The following SBF1 variants were observed in gnomAD, a reference collection of about 807,000 sequenced individuals.
SBF1 encodes the protein myotubularin-related protein 5.
SBF1 carries 65 observed loss-of-function variants against 215.8 expected under a neutral mutation model. The ratio of observed to expected loss-of-function variants is 0.30; its 90% CI spans 0.25 to 0.37. SBF1 has a LOEUF of 0.37. Ranked by LOEUF, SBF1 falls within the 10% of genes least tolerant of loss-of-function variation. SBF1 has a pLI of 1.00. For synonymous variants in SBF1, 1,410 were observed against 1,122.8 expected, an observed-to-expected ratio of 1.26 and a Z score of -5.11; for missense variants, 2,634 against 2,667.8, an observed-to-expected ratio of 0.99 and a Z score of 0.28.
Position 50,457,090 on chromosome 22 carries a change from A to G in SBF1, c.3848T>C (p.Val1283Ala). The G allele has an allele frequency of 6.7e-7, 1 of 1,488,412 alleles. No homozygotes were observed. The highest frequency in any genetic ancestry group is 8.9e-7 in the Non-Finnish European group (1 of 1,127,582). The allele number at this position is 1,488,412 out of a possible 1,614,324, so 92.2% of individuals were successfully genotyped here. A position where few individuals can be genotyped will look rare whatever the true frequency, so the allele number is the denominator to read the frequency against. Residue 1283 changes from valine to alanine, a missense_variant, in exon 29 of 41, where the codon GTC (valine) becomes GCC (alanine). Coordinates refer to ENST00000380817, the MANE Select transcript of SBF1 (RefSeq NM_002972.4). The stretch of plus-strand genomic sequence containing the variant: ...CGCCATGGGGTTGGACAGCGTGGTG[A>G]CCCTGGCTCTGGGGCTGGGAACTGA... ...GSHVPSPRAR[V>A]TTLSNPMAAS...
Position 50,456,598 on chromosome 22 carries a change from C to G in SBF1, c.3980G>C (p.Arg1327Thr). The G allele has an allele frequency of 6.5e-7, 1 of 1,535,648 alleles. No individual in the cohort carries two copies. The highest frequency in any genetic ancestry group is 8.7e-7 in the Non-Finnish European group (1 of 1,144,026). The change falls in exon 30 of 41, where the codon AGA (arginine) becomes ACA (threonine). Residue 1327 changes from arginine to threonine, a missense_variant. By Grantham distance (71) the Arg-to-Thr change is moderately conservative. Coordinates refer to ENST00000380817, the MANE Select transcript of SBF1 (RefSeq NM_002972.4). ...GGCCTGGGGTGGGGCCAGCGCGTCT[C>G]TGCCAGCTAGCCGGGAGCCCACATC... ...GTDVGSRLAG[R>T]DALAPPQANG... is the part of the protein sequence containing the mutation.
chr22:50,449,617 A>AC (rs2066965013), intron 36 of SBF1, among the ~76,000 whole-genome samples: 1 of 41,170 alleles, frequency 2.4e-5, no homozygotes, highest in Admixed American at 3.5e-4. Context: ...TCTGTCTCAA[A>AC]ACACACAAAC....
chr22:50,459,951 C>A lies in SBF1; in HGVS notation c.3491+1G>T. 1 of 1,613,638 alleles carries A rather than the reference C, an allele frequency of 6.2e-7. No homozygotes were observed. Among genetic ancestry groups the A allele is most frequent in the Non-Finnish European group, 8.5e-7 (1 of 1,179,914 alleles). On this transcript the variant is annotated splice_donor_variant, in intron 26 of 40. Transcript: ENST00000380817. LOFTEE classifies it high-confidence loss of function. Reference sequence around the variant, plus strand: ...CCGGGCCAGCCCTGGCCGGCCCTCACCTGCGGCAGATGGCATACATGCGGT... The same window carrying A: ...CCGGGCCAGCCCTGGCCGGCCCTCAACTGCGGCAGATGGCATACATGCGGT...
At position 50,459,237 on chromosome 22, in the gene SBF1, G is replaced by A; in HGVS notation, c.3826+18C>T. ...CCAAAGTGCCCCTGCCCCACCGTCT[G>A]CCCACAAGCACCCTCACCGTGACTG... On this transcript the variant is annotated intron_variant, in intron 28 of 40. Coordinates refer to ENST00000380817, the MANE Select transcript of SBF1 (RefSeq NM_002972.4). 1 of 1,587,900 alleles carries A rather than the reference G, an allele frequency of 6.3e-7. No homozygotes were observed. Among genetic ancestry groups the A allele is most frequent in the African/African-American group, 1.3e-5 (1 of 74,554 alleles).
chr22:50,455,166 C>T (rs1004986295), intron 33 of SBF1, 24 bp from the exon 34 acceptor site: 36 of 1,614,000 alleles, frequency 2.2e-5, no homozygotes, highest in Non-Finnish European at 2.9e-5. Flanking sequence ...GGGTCAGGGG[C>T]CAGGGCTCAG....
chr22:50,470,818 G>A (rs901373318), intron 1 of SBF1, among the ~76,000 whole-genome samples: 3 of 152,176 alleles, frequency 2.0e-5, no homozygotes, highest in African/African-American at 4.8e-5. Flanking sequence ...GGAGCCCCAG[G>A]GAATGACAGA....
At chr22:50,449,285 A>G (rs2066951725) in intron 36 of SBF1, among the ~76,000 whole-genome samples, 1 of 151,998 alleles carries the variant, frequency 6.6e-6, no homozygotes, top group African/African-American at 2.4e-5. Flanking sequence ...ATAGACCCTG[A>G]AATGAAACAG....
Position 50,447,047 on chromosome 22 carries a change from G to T in SBF1, c.*95C>A. ...GGGGGCTCGGGGCCTCAATACTGTC[G>T]AGGGCCGGGGCTGTAAACATGGCCG... is the stretch of plus-strand genomic sequence containing the variant. On this transcript the variant is annotated 3_prime_UTR_variant, in exon 41 of 41. Transcript: ENST00000380817. 1 of 1,138,180 alleles carries T rather than the reference G, an allele frequency of 8.8e-7. No homozygotes were observed. Among genetic ancestry groups the T allele is most frequent in the Non-Finnish European group, 1.3e-6 (1 of 782,560 alleles). 70.5% of individuals were successfully genotyped at this position (1,138,180 alleles called of 1,614,324 possible).
At position 50,465,198 on chromosome 22, in the gene SBF1, G is replaced by A. The variant is rs758211930; in HGVS notation, c.1203+17C>T. ...GCGCTTATCTCCTACCCCACGCCCA[G>A]CCACCAGGCACCCCACCTTATGGAA... is the stretch of plus-strand genomic sequence containing the variant. On this transcript the variant is annotated intron_variant, in intron 11 of 40. Coordinates refer to ENST00000380817, the MANE Select transcript of SBF1 (RefSeq NM_002972.4). The A allele has an allele frequency of 3.7e-6, 6 of 1,612,782 alleles. No homozygotes were observed. Among genetic ancestry groups the A allele is most frequent in the Non-Finnish European group, 5.1e-6 (6 of 1,179,398 alleles).
chr22:50,448,606 G>T lies in SBF1; in HGVS notation c.5088C>A (p.Arg1696=), dbSNP rs755215084. 6.2e-7 allele frequency: 1 copy of T among 1,611,916 alleles called. No homozygotes were observed. Among genetic ancestry groups the T allele is most frequent in the Non-Finnish European group, 8.5e-7 (1 of 1,180,016 alleles). Residue 1696 remains arginine (R), a synonymous_variant, in exon 37 of 41, where the codon CGC becomes CGA. Transcript: ENST00000380817. ...TCACCCGGTCCCAGGTGTCCTTCCA[G>T]CGCTCAGCGGGTTGGCCCAACTCTG... is the stretch of plus-strand genomic sequence containing the variant. ...LETELGQPAE[R]WKDTWDRVKA...
In SBF1 at chr22:50,463,466, C is replaced by A. The variant is rs187374898; in HGVS notation, c.1750-34G>T. ...GGGGAAAGGAGACACGGGCTGAGGG[C>A]ACAGAGAAGACCCACTCGGGGCCCT... On this transcript the variant is annotated intron_variant, in intron 15 of 40. Transcript: ENST00000380817. 31 of 1,528,860 alleles carry A rather than the reference C, an allele frequency of 2.0e-5. No individual in the cohort carries two copies. The African/African-American group carries it at 3.8e-4, about 19-fold the overall frequency. The allele number at this position is 1,528,860 out of a possible 1,614,324, so 94.7% of individuals were successfully genotyped here.
In SBF1 at chr22:50,454,890, A is replaced by G. The variant is rs2067186349; in HGVS notation, c.4736T>C (p.Val1579Ala). The change falls in exon 35 of 41, where the codon GTG (valine) becomes GCG (alanine). Residue 1579 changes from valine (V) to alanine (A), a missense_variant. Coordinates refer to ENST00000380817, the MANE Select transcript of SBF1 (RefSeq NM_002972.4). Reference sequence around the variant, plus strand: ...GCTCAGCCGGTCCACATACTCCCACACAGACCTGCACGGCACCTGGCCCCT... The same window carrying G: ...GCTCAGCCGGTCCACATACTCCCACGCAGACCTGCACGGCACCTGGCCCCT... ...ERRGQVPCRS[V>A]WEYVDRLSKR... 1 of 1,613,914 alleles carries G rather than the reference A, an allele frequency of 6.2e-7. No individual in the cohort carries two copies. The highest frequency in any genetic ancestry group is 1.3e-5 in the African/African-American group (1 of 74,906).
Position 50,467,646 on chromosome 22 carries a change from C to T in SBF1, c.324G>A (p.Gly108=). The T allele has an allele frequency of 1.2e-6, 2 of 1,613,966 alleles. No individual in the cohort carries two copies. Among genetic ancestry groups the T allele is most frequent in the Non-Finnish European group, 8.5e-7 (1 of 1,179,934 alleles). ...VEDATEREEE[G]DEGGQTHLSP... ...ACAGGTGGGTCTGGCCTCCCTCATC[C>T]CCCTCTTCCTCCCTCTCTGTGGCAT... Residue 108 remains glycine (G), a synonymous_variant, in exon 4 of 41, where the codon GGG becomes GGA. Coordinates refer to ENST00000380817, the MANE Select transcript of SBF1 (RefSeq NM_002972.4).
At position 50,446,758 on chromosome 22, in the gene SBF1, A is replaced by C; in HGVS notation, c.*384T>G. On this transcript the variant is annotated 3_prime_UTR_variant, in exon 41 of 41. Transcript: ENST00000380817. ...TAGGGGCAGATGGGACCCTCTGGGT[A>C]GGCCGAGAGCAGGCAGCCGGGGAGT... The C allele has an allele frequency of 2.0e-6, 1 of 512,398 alleles. No individual in the cohort carries two copies. Among genetic ancestry groups the C allele is most frequent in the Non-Finnish European group, 3.8e-6 (1 of 262,520 alleles). The allele number at this position is 512,398 out of a possible 1,614,324, so 31.7% of individuals were successfully genotyped here.
At position 50,475,024 on chromosome 22, in the gene SBF1, G is replaced by A. The variant is rs1271414689; in HGVS notation, c.-184C>T. The A allele has an allele frequency of 2.0e-5, 4 of 201,780 alleles. No homozygotes were observed. The highest frequency in any genetic ancestry group is 1.4e-4 in the South Asian group (1 of 7,032). The allele number at this position is 201,780 out of a possible 1,614,324, so 12.5% of individuals were successfully genotyped here. On this transcript the variant is annotated 5_prime_UTR_variant, in exon 1 of 41. Transcript: ENST00000380817. ...GTTCCCGCCGCCATCTTCCCAGCCA[G>A]CCGGCCCGCCCGGGCGCGCCGTGCG...
rs1188801894 is a variant in SBF1, at chr22:50,464,805, T to C, written c.1431+14A>G. 6.2e-7 allele frequency: 1 copy of C among 1,613,424 alleles called. No individual in the cohort carries two copies. The highest frequency in any genetic ancestry group is 2.2e-5 in the East Asian group (1 of 44,884). On this transcript the variant is annotated intron_variant, in intron 13 of 40. Coordinates refer to ENST00000380817, the MANE Select transcript of SBF1 (RefSeq NM_002972.4). The stretch of plus-strand genomic sequence containing the variant: ...AAGGCGGTACGACGCCCTCCCGTCC[T>C]GCTACCCTCGTACGTTCTTGTAGAG...
intron 1 of SBF1, among the ~76,000 whole-genome samples, chr22:50,468,891 G>T (rs2067893232): frequency 6.6e-6 from 1 of 152,074 alleles, no homozygotes; most frequent in South Asian, 2.1e-4. Flanking sequence ...ACCCAGCCGG[G>T]GGTGTGGAGG....
intron 31 of SBF1, 48 bp from the exon 32 acceptor site, chr22:50,455,630 G>C: frequency 1.4e-6 from 2 of 1,481,268 alleles, no homozygotes; most frequent in Non-Finnish European, 9.2e-7. Context: ...CCGCCCTCCC[G>C]CCTGGCCACT....
Position 50,462,251 on chromosome 22 carries a change from C to A in SBF1, c.2350G>T (p.Gly784Trp), listed in dbSNP as rs368432657. ...SKSRLLRERA[G>W]LGDLESASNS... ...CTGGCGCTCTCCAGGTCGCCCAGCC[C>A]GGCACGCTCCCGAAGTAGGCGGCTC... Residue 784 changes from glycine (G) to tryptophan (W), a missense_variant, in exon 19 of 41, where the codon GGG becomes TGG. Physicochemically the swap from Gly to Trp is radical, Grantham distance 184 (BLOSUM62 -2). Coordinates refer to ENST00000380817, the MANE Select transcript of SBF1 (RefSeq NM_002972.4). The A allele has an allele frequency of 6.2e-7, 1 of 1,609,908 alleles. No homozygotes were observed. The highest frequency in any genetic ancestry group is 8.5e-7 in the Non-Finnish European group (1 of 1,179,976).
Sources: allele counts gnomAD v4.1 joint callset (sites outside exome capture counted in the v4.1 genomes callset), GRCh38; gene constraint gnomAD v4.1.1; transcripts MANE v1.5; gene names NCBI Gene and HGNC (gene_info 2026-07-23, HGNC 2026-07-21).